Variants in FAM53A observed in about 807,000 individuals in gnomAD.
FAM53A encodes the protein protein FAM53A.
Under a neutral mutation model 26.6 loss-of-function variants are expected in FAM53A, and 28 were observed. That is an observed-to-expected ratio of 1.05 (90% CI 0.78 to 1.45). The LOEUF (loss-of-function observed/expected upper bound fraction) is 1.45, where lower values mean the gene tolerates loss of function less well. FAM53A is among the 40% of genes most tolerant of loss of function. FAM53A has a pLI of 0.00. For missense variants in FAM53A, 650 were observed against 575.8 expected (o/e 1.13, Z -1.32); for synonymous variants, 290 against 253.1 (o/e 1.15, Z -1.38).
chr4:1,653,551 G>A (rs1189582223), intron 4 of FAM53A, among the ~76,000 whole-genome samples: 2 of 152,224 alleles, frequency 1.3e-5, no homozygotes, highest in Non-Finnish European at 2.9e-5. Flanking sequence ...AGCAGGGACA[G>A]CCTGCTTGTG....
intron 4 of FAM53A, among the ~76,000 whole-genome samples, chr4:1,654,567 TG>T (rs1248224393): frequency 6.6e-6 from 1 of 152,244 alleles, no homozygotes; most frequent in Non-Finnish European, 1.5e-5. Context: ...CCCCGGGCTC[TG>T]CCTCGAATGG....
At chr4:1,574,315 G>A in the FAM53A span, 3 of 152,468 alleles carry the variant, frequency 2.0e-5, no homozygotes, top group Non-Finnish European at 4.4e-5. Flanking sequence ...AGCTTTTGGG[G>A]GCACTGCTTG....
the FAM53A span, among the ~76,000 whole-genome samples, chr4:1,592,307 G>T: frequency 6.6e-6 from 1 of 152,136 alleles, no homozygotes; most frequent in East Asian, 1.9e-4. Flanking sequence ...GTCCACACGC[G>T]GCCCCATCAG....
downstream of FAM53A, among the ~76,000 whole-genome samples, chr4:1,635,674 C>T (rs566122669): frequency 1.4e-4 from 22 of 152,218 alleles, no homozygotes; most frequent in East Asian, 3.7e-3. Flanking sequence ...ATCTGCCGCG[C>T]CCACTGCCAA....
In FAM53A at chr4:1,659,199, G is replaced by A. The variant is rs570665672; in HGVS notation, c.76-1731C>T. 5.6e-4 allele frequency among the ~76,000 whole-genome samples: 85 copies of A among 152,286 alleles called. No individual in the cohort carries two copies. Among genetic ancestry groups the A allele is most frequent in the African/African-American group, 1.9e-3 (80 of 41,564 alleles). ...TGAGGACAGGGCCTGGTGCGGGCCC[G>A]GGAACCACACGACCTCCAGGTTCTC... On this transcript the variant is annotated intron_variant, in intron 2 of 4. Transcript: ENST00000308132. This position sits in a 1 kb window ranked among gnomAD's most constrained non-coding sequence, Gnocchi z 5.2.
chr4:1,596,616 G>T, the FAM53A span, among the ~76,000 whole-genome samples: 2 of 152,196 alleles, frequency 1.3e-5, no homozygotes, highest in Non-Finnish European at 2.9e-5. Flanking sequence ...GGACCAGATG[G>T]AAGGGCACCT....
At chr4:1,646,378 C>T (rs186821341) in intron 4 of FAM53A, among the ~76,000 whole-genome samples, 5 of 152,312 alleles carry the variant, frequency 3.3e-5, no homozygotes, top group African/African-American at 4.8e-5. Context: ...GGATTACAGG[C>T]GTGAGCCACT....
At chr4:1,651,999 C>G (rs942185248) in intron 4 of FAM53A, among the ~76,000 whole-genome samples, 1 of 147,876 alleles carries the variant, frequency 6.8e-6, no homozygotes, top group South Asian at 2.2e-4. Flanking sequence ...ACCTCACACA[C>G]ACACCACACA....
the FAM53A span, among the ~76,000 whole-genome samples, chr4:1,611,950 C>T: frequency 6.6e-6 from 1 of 152,152 alleles, no homozygotes; most frequent in East Asian, 1.9e-4. Context: ...GCATTGATCC[C>T]CAAGAATGTA....
the FAM53A span, among the ~76,000 whole-genome samples, chr4:1,593,338 C>CCG: frequency 1.3e-5 from 2 of 152,032 alleles, no homozygotes; most frequent in African/African-American, 4.8e-5. Context: ...GGAGGCTGGA[C>CCG]CGCGGCCCGG....
chr4:1,640,390 T>A lies in FAM53A; in HGVS notation c.*903A>T. ...GGACTCTGACCACCAACGCCCGGGGTTTCCTAGCAACTAAAGCACACAAGG... is the reference window on the plus strand; with the variant it reads ...GGACTCTGACCACCAACGCCCGGGGATTCCTAGCAACTAAAGCACACAAGG... On this transcript the variant is annotated 3_prime_UTR_variant, in exon 5 of 5. Coordinates refer to ENST00000308132, the MANE Select transcript of FAM53A (RefSeq NM_001174070.3). The A allele has an allele frequency of 8.5e-6, 2 of 234,740 alleles. No homozygotes were observed. Among genetic ancestry groups the A allele is most frequent in the Non-Finnish European group, 1.7e-5 (2 of 120,992 alleles). 14.5% of individuals were successfully genotyped at this position (234,740 alleles called of 1,614,324 possible). A position where few individuals can be genotyped will look rare whatever the true frequency, so the allele number is the denominator to read the frequency against.
rs376520001 is a variant in FAM53A at position 1,655,046 on chromosome 4, G to T, written c.814C>A (p.Arg272Ser). 1.9e-6 allele frequency: 3 copies of T among 1,585,860 alleles called. No homozygotes were observed. The highest frequency in any genetic ancestry group is 1.7e-6 in the Non-Finnish European group (2 of 1,165,574). The change falls in exon 4 of 5, where the codon CGC (arginine) becomes AGC (serine). Residue 272 changes from arginine (R) to serine (S), a missense_variant. By Grantham distance (110) the Arg-to-Ser change is moderately radical (BLOSUM62 -1). Coordinates refer to ENST00000308132, the MANE Select transcript of FAM53A (RefSeq NM_001174070.3). ...PCVLSGKRSR[R>S]KRRREEDARW... Reference sequence around the variant, plus strand: ...GCGTCCTCCTCACGCCTCCGTTTGCGCCGGCTCCTCTTCCCACTGAGCACG... The same window carrying T: ...GCGTCCTCCTCACGCCTCCGTTTGCTCCGGCTCCTCTTCCCACTGAGCACG...
intron 3 of FAM53A, among the ~76,000 whole-genome samples, chr4:1,656,677 G>A (rs1445447102): frequency 6.6e-6 from 1 of 152,166 alleles, no homozygotes; most frequent in Non-Finnish European, 1.5e-5. Context: ...GGCAGGGGGT[G>A]GGGCTCTGGC....
At chr4:1,586,440 C>A in the FAM53A span, among the ~76,000 whole-genome samples, 384 of 151,936 alleles carry the variant, frequency 2.5e-3, 7 homozygotes, top group Non-Finnish European at 7.1e-4. Context: ...GGTGGTCCAC[C>A]CCCCCAGCCA....
the FAM53A span, among the ~76,000 whole-genome samples, chr4:1,577,268 C>T: frequency 6.6e-6 from 1 of 152,234 alleles, no homozygotes; most frequent in East Asian, 1.9e-4. Context: ...GGACCTGCCC[C>T]CTCCAGGACA....
chr4:1,595,300 C>T, the FAM53A span, among the ~76,000 whole-genome samples: 12 of 152,252 alleles, frequency 7.9e-5, no homozygotes, highest in East Asian at 1.9e-4. Flanking sequence ...TTTGTACAGA[C>T]GCTGCCATGG....
downstream of FAM53A, among the ~76,000 whole-genome samples, chr4:1,616,966 A>G (rs1253368807): frequency 2.0e-5 from 3 of 152,154 alleles, no homozygotes; most frequent in Admixed American, 1.3e-4. Context: ...GTGAAACACC[A>G]TCTCCACAAA....
intron 1 of FAM53A, among the ~76,000 whole-genome samples, chr4:1,633,465 G>A (rs1279778045): frequency 1.3e-5 from 2 of 152,158 alleles, no homozygotes; most frequent in Non-Finnish European, 2.9e-5. Flanking sequence ...AACTTTAAAT[G>A]CTTTTATTAC....
In FAM53A at chr4:1,655,682, T is replaced by C. The variant is rs1380999046; in HGVS notation, c.178A>G (p.Arg60Gly). The stretch of plus-strand genomic sequence containing the variant: ...TCAGGGCCCGTGGCTGCCTGGCTTC[T>C]GACGGGCGGTCCTCCACTGAAGACC... Reference protein sequence around the residue: ...WKVFSGGPPVRSQAATGPDFS... With the variant: ...WKVFSGGPPVGSQAATGPDFS... The change falls in exon 4 of 5, where the codon AGA (arginine) becomes GGA (glycine). Residue 60 changes from arginine (R) to glycine (G), a missense_variant. Physicochemically the swap from Arg to Gly is moderately radical, Grantham distance 125. Transcript: ENST00000308132. 2.5e-6 allele frequency: 4 copies of C among 1,593,464 alleles called. No individual in the cohort carries two copies. The highest frequency in any genetic ancestry group is 3.4e-6 in the Non-Finnish European group (4 of 1,173,884).
Sources: gnomAD v4.1 joint callset for allele counts (sites outside exome capture counted in the v4.1 genomes callset) on GRCh38, gnomAD v4.1.1 for gene constraint, Gnocchi (gnomAD v3.1) non-coding constraint, MANE v1.5 for transcripts, NCBI Gene and HGNC (gene_info 2026-07-23, HGNC 2026-07-21) for gene names.